The following FGGY variants were observed in gnomAD, a reference collection of about 807,000 sequenced individuals.
FGGY encodes the protein FGGY carbohydrate kinase domain-containing protein.
Under a neutral mutation model 71.3 loss-of-function variants are expected in FGGY, and 72 were observed. That is an observed-to-expected ratio of 1.01 (90% CI 0.84 to 1.23). The LOEUF (loss-of-function observed/expected upper bound fraction) is 1.23, where lower values mean the gene tolerates loss of function less well. Ranked by LOEUF, FGGY falls within the 50% of genes most tolerant of loss-of-function variation. The pLI is 0.00. For synonymous variants in FGGY, 251 were observed against 250.3 expected, an observed-to-expected ratio of 1.00 and a Z score of -0.02; for missense variants, 668 against 682.3, an observed-to-expected ratio of 0.98 and a Z score of 0.23.
intron 5 of FGGY, among the ~76,000 whole-genome samples, chr1:59,410,183 T>C (rs949431233): frequency 2.6e-5 from 4 of 152,232 alleles, no homozygotes; most frequent in African/African-American, 9.6e-5. Flanking sequence ...ATTATAGGTA[T>C]TTAAAGCAGA....
At chr1:59,636,404 G>A (rs1375193880) in intron 10 of FGGY, among the ~76,000 whole-genome samples, 8 of 152,086 alleles carry the variant, frequency 5.3e-5, no homozygotes, top group Non-Finnish European at 8.8e-5. Flanking sequence ...GGCAGATCAC[G>A]AGGTCAGGAG....
chr1:59,407,567 A>G (rs1423294263), intron 5 of FGGY, among the ~76,000 whole-genome samples: 1 of 152,070 alleles, frequency 6.6e-6, no homozygotes, highest in Non-Finnish European at 1.5e-5. Flanking sequence ...AGAAAAAAAA[A>G]TATTCTGATA....
chr1:59,489,707 T>C (rs2093766868), intron 6 of FGGY, among the ~76,000 whole-genome samples: 1 of 152,170 alleles, frequency 6.6e-6, no homozygotes. Context: ...GGTATACTGA[T>C]TTTGTTTCCT....
At chr1:59,588,781 T>A in intron 8 of FGGY, among the ~76,000 whole-genome samples, 1 of 152,118 alleles carries the variant, frequency 6.6e-6, no homozygotes, top group Non-Finnish European at 1.5e-5. Flanking sequence ...AAAGAGCTCC[T>A]GAAGGAAGCA....
At chr1:59,535,176 G>A (rs1302317580) in intron 7 of FGGY, among the ~76,000 whole-genome samples, 1 of 152,042 alleles carries the variant, frequency 6.6e-6, no homozygotes, top group African/African-American at 2.4e-5. Flanking sequence ...GGCAGGGGTT[G>A]CAATCCTAGT....
intron 8 of FGGY, among the ~76,000 whole-genome samples, chr1:59,599,493 A>C (rs2096555749): frequency 6.6e-6 from 1 of 151,812 alleles, no homozygotes; most frequent in African/African-American, 2.4e-5. Context: ...TCAGGAGTTC[A>C]AGACCACCTG....
intron 5 of FGGY, among the ~76,000 whole-genome samples, chr1:59,407,672 C>A (rs1335485992): frequency 6.6e-6 from 1 of 152,114 alleles, no homozygotes; most frequent in Non-Finnish European, 1.5e-5. Context: ...GACCCTTTTC[C>A]CCCAGAGTGT....
chr1:59,555,269 G>T (rs924112979), intron 8 of FGGY, among the ~76,000 whole-genome samples: 10 of 152,160 alleles, frequency 6.6e-5, no homozygotes, highest in African/African-American at 2.4e-4. Context: ...TCTGTTATGT[G>T]CCAAGCAATA....
chr1:59,712,458 G>A (rs900690809), intron 14 of FGGY, among the ~76,000 whole-genome samples: 2 of 152,212 alleles, frequency 1.3e-5, no homozygotes, highest in African/African-American at 4.8e-5. Flanking sequence ...GAGACTCTGT[G>A]TTAAGGCTCT....
chr1:59,497,815 G>A (rs2094091155), intron 6 of FGGY, among the ~76,000 whole-genome samples: 1 of 152,110 alleles, frequency 6.6e-6, no homozygotes, highest in South Asian at 2.1e-4. Flanking sequence ...TTTCCTGTTA[G>A]TACCTGCAAC....
intron 8 of FGGY, among the ~76,000 whole-genome samples, chr1:59,576,000 T>C (rs2096069453): frequency 6.6e-6 from 1 of 152,190 alleles, no homozygotes; most frequent in Non-Finnish European, 1.5e-5. Context: ...CCCTTCTTTA[T>C]ATCTTCTTTT....
At chr1:59,684,384 T>C (rs1214824620) in intron 14 of FGGY, among the ~76,000 whole-genome samples, 2 of 152,164 alleles carry the variant, frequency 1.3e-5, no homozygotes, top group Non-Finnish European at 2.9e-5. Context: ...TGACTTCCAC[T>C]GTCTTAAGAG....
At chr1:59,459,187 A>G (rs961244437) in intron 6 of FGGY, among the ~76,000 whole-genome samples, 1 of 152,300 alleles carries the variant, frequency 6.6e-6, no homozygotes, top group Non-Finnish European at 1.5e-5. Flanking sequence ...TCAGCAACTG[A>G]TGGTCTTATG....
chr1:59,375,005 T>G (rs1253292362), intron 4 of FGGY, among the ~76,000 whole-genome samples: 1 of 151,100 alleles, frequency 6.6e-6, no homozygotes, highest in African/African-American at 2.4e-5. Context: ...GCATGTCACA[T>G]GTATACACAG....
intron 6 of FGGY, among the ~76,000 whole-genome samples, chr1:59,486,594 CCT>C (rs1200215271): frequency 1.3e-5 from 2 of 152,178 alleles, no homozygotes; most frequent in Non-Finnish European, 2.9e-5. Context: ...TCTGTGCTCC[CCT>C]GTCTTGGGTC....
chr1:59,381,128 T>A (rs1166511396), intron 5 of FGGY, among the ~76,000 whole-genome samples: 1 of 152,192 alleles, frequency 6.6e-6, no homozygotes, highest in African/African-American at 2.4e-5. Flanking sequence ...TTCTGAGGGC[T>A]CTGTTCTTTT....
intron 14 of FGGY, among the ~76,000 whole-genome samples, chr1:59,741,385 C>T (rs892902561): frequency 6.6e-6 from 1 of 152,186 alleles, no homozygotes; most frequent in Non-Finnish European, 1.5e-5. Flanking sequence ...CCTCCACTTC[C>T]TCCCGCTCCA....
rs529511456 is a variant in FGGY at position 59,388,917 on chromosome 1, A to G, written c.554+10080A>G. On this transcript the variant is annotated intron_variant, in intron 5 of 15. Coordinates refer to ENST00000303721, the MANE Select transcript of FGGY (RefSeq NM_018291.5). ...ATCACCCCAAACGGAAGCTGCTACTATTAAATAATAACTCCCCATTTCCCT... is the reference window on the plus strand; with the variant it reads ...ATCACCCCAAACGGAAGCTGCTACTGTTAAATAATAACTCCCCATTTCCCT... Among the ~76,000 whole-genome samples the G allele has an allele frequency of 2.5e-4, 38 of 152,186 alleles. No homozygotes were observed. In the East Asian group the frequency reaches 6.4e-3, roughly 26 times the overall value.
At chr1:59,678,850 C>T (rs1480830566) in intron 14 of FGGY, among the ~76,000 whole-genome samples, 1 of 152,218 alleles carries the variant, frequency 6.6e-6, no homozygotes, top group Non-Finnish European at 1.5e-5. Context: ...ATTCAGCAGT[C>T]ATTTTAAGGG....
Sources: allele counts gnomAD v4.1 joint callset (sites outside exome capture counted in the v4.1 genomes callset), GRCh38; gene constraint gnomAD v4.1.1; transcripts MANE v1.5; gene names NCBI Gene and HGNC (gene_info 2026-07-23, HGNC 2026-07-21).